ENTREP2: variants seen among roughly 807,000 people sequenced by gnomAD.
ENTREP2 encodes endosomal transmembrane epsin interactor 2, also known as protein ENTREP2.
At chr15:29,290,475 T>C in the ENTREP2 span, among the ~76,000 whole-genome samples, 6 of 152,324 alleles carry the variant, frequency 3.9e-5, no homozygotes, top group African/African-American at 1.4e-4. Flanking sequence ...TTTTTCACCA[T>C]AACACTCACC....
At chr15:29,239,081 T>C in the ENTREP2 span, among the ~76,000 whole-genome samples, 1 of 152,120 alleles carries the variant, frequency 6.6e-6, no homozygotes, top group Non-Finnish European at 1.5e-5. Context: ...CTCAAGCCAA[T>C]ACAAGGCAGC....
chr15:29,523,995 GATAC>G, the ENTREP2 span, among the ~76,000 whole-genome samples: 1 of 152,090 alleles, frequency 6.6e-6, no homozygotes, highest in Non-Finnish European at 1.5e-5. Context: ...TCTTAGCTAT[GATAC>G]CAGAAGAACA....
the ENTREP2 span, among the ~76,000 whole-genome samples, chr15:29,322,299 A>G: frequency 1.3e-5 from 2 of 152,150 alleles, no homozygotes; most frequent in African/African-American, 2.4e-5. Flanking sequence ...AATATATTCT[A>G]TTGGCAATTT....
At chr15:29,390,320 C>G in the ENTREP2 span, among the ~76,000 whole-genome samples, 1 of 152,164 alleles carries the variant, frequency 6.6e-6, no homozygotes, top group African/African-American at 2.4e-5. Flanking sequence ...AAACCTTCAT[C>G]CCGTTTAATT....
chr15:29,490,324 C>T, the ENTREP2 span, among the ~76,000 whole-genome samples: 1 of 152,292 alleles, frequency 6.6e-6, no homozygotes, highest in South Asian at 2.1e-4. Flanking sequence ...GAAGGTAATA[C>T]AGAGCCTAAG....
chr15:29,570,417 C>A, the ENTREP2 span: 1 of 910,042 alleles, frequency 1.1e-6, no homozygotes, highest in Non-Finnish European at 1.4e-6. Context: ...ACTTGCCGCC[C>A]GCGGTGGCGT....
the ENTREP2 span, chr15:29,196,651 GA>G: frequency 1.4e-6 from 2 of 1,426,872 alleles, no homozygotes; most frequent in South Asian, 1.4e-5. Flanking sequence ...CAGAACACAG[GA>G]AAATGGCTCA....
chr15:29,474,697 G>A, the ENTREP2 span, among the ~76,000 whole-genome samples: 1 of 152,036 alleles, frequency 6.6e-6, no homozygotes, highest in Admixed American at 6.5e-5. Context: ...TGGGATTATA[G>A]ACATGTACCA....
chr15:29,342,109 G>C, the ENTREP2 span, among the ~76,000 whole-genome samples: 2 of 152,170 alleles, frequency 1.3e-5, no homozygotes, highest in Admixed American at 1.3e-4. Context: ...CGCCATGCAG[G>C]GCAGAAGGTG....
chr15:29,613,470 C>T, the ENTREP2 span: 21 of 425,662 alleles, frequency 4.9e-5, no homozygotes, highest in Admixed American at 5.2e-4. Flanking sequence ...AATGGGCACC[C>T]TCCTCCACAG....
chr15:29,631,374 C>T, the ENTREP2 span, among the ~76,000 whole-genome samples: 1 of 152,168 alleles, frequency 6.6e-6, no homozygotes, highest in Non-Finnish European at 1.5e-5. Flanking sequence ...GACTCAGGGT[C>T]TGTCTTCTTT....
At chr15:29,119,585 A>AACTT in the ENTREP2 span, among the ~76,000 whole-genome samples, 3,814 of 19,428 alleles carry the variant, frequency 0.2, 1,277 homozygotes, top group South Asian at 0.67. Context: ...TGTACCCTAA[A>AACTT]ACTTAGAGTA....
At chr15:29,545,356 C>A in the ENTREP2 span, among the ~76,000 whole-genome samples, 1 of 152,152 alleles carries the variant, frequency 6.6e-6, no homozygotes, top group African/African-American at 2.4e-5. Flanking sequence ...AGGTCAAGAA[C>A]ATGAGCATGG....
chr15:29,134,293 C>T, the ENTREP2 span, among the ~76,000 whole-genome samples: 1 of 152,212 alleles, frequency 6.6e-6, no homozygotes, highest in African/African-American at 2.4e-5. Context: ...GGGCCATGCC[C>T]ACCTCCTGAC....
the ENTREP2 span, among the ~76,000 whole-genome samples, chr15:29,219,113 A>G: frequency 1.5e-5 from 1 of 67,836 alleles, no homozygotes; most frequent in Non-Finnish European, 4.1e-5. Context: ...AATCAGTAAG[A>G]AAAAAAAAAC....
chr15:29,381,480 A>AG, the ENTREP2 span, among the ~76,000 whole-genome samples: 1 of 142,698 alleles, frequency 7.0e-6, no homozygotes, highest in South Asian at 2.2e-4. Flanking sequence ...AAAAAAAAAA[A>AG]GCCCTTGGTT....
chr15:29,462,339 T>C, the ENTREP2 span, among the ~76,000 whole-genome samples: 2 of 152,262 alleles, frequency 1.3e-5, no homozygotes, highest in Non-Finnish European at 2.9e-5. Flanking sequence ...CTTTGTTCAG[T>C]GGCTCACACC....
chr15:29,132,093 C>T, the ENTREP2 span, among the ~76,000 whole-genome samples: 27 of 152,260 alleles, frequency 1.8e-4, no homozygotes, highest in Admixed American at 1.4e-3. Context: ...CGACAGAGCC[C>T]GCCTTCTGCA....
chr15:29,198,135 C>T, the ENTREP2 span, among the ~76,000 whole-genome samples: 2 of 152,192 alleles, frequency 1.3e-5, no homozygotes, highest in Non-Finnish European at 2.9e-5. Context: ...ACCCCCTGCT[C>T]CATGTCAGGT....
Sources: gnomAD v4.1 joint callset for allele counts (sites outside exome capture counted in the v4.1 genomes callset) on GRCh38, gnomAD v4.1.1 for gene constraint, MANE v1.5 for transcripts, NCBI Gene and HGNC (gene_info 2026-07-23, HGNC 2026-07-21) for gene names.